Variants in CDKAL1 observed in about 807,000 individuals in gnomAD.
CDKAL1 encodes threonylcarbamoyladenosine tRNA methylthiotransferase.
Under a neutral mutation model 68.2 loss-of-function variants are expected in CDKAL1, and 32 were observed. That is an observed-to-expected ratio of 0.47 (90% CI 0.35 to 0.63). CDKAL1 has a LOEUF of 0.63. CDKAL1 is among the 30% of genes least tolerant of loss of function. The probability of loss-of-function intolerance (pLI) is 0.00; values close to 1 mark genes in which losing one functional copy is unlikely to be tolerated. For missense variants in CDKAL1, 606 were observed against 696.7 expected (o/e 0.87, Z 1.47); for synonymous variants, 234 against 244.3 (o/e 0.96, Z 0.39).
chr6:20,642,013 G>T (rs1231002384), intron 4 of CDKAL1, among the ~76,000 whole-genome samples: 1 of 152,126 alleles, frequency 6.6e-6, no homozygotes, highest in East Asian at 1.9e-4. Flanking sequence ...TCTTTTGCTT[G>T]CACTGGATAG....
At chr6:20,781,784 ACT>A (rs1416541131) in intron 8 of CDKAL1, among the ~76,000 whole-genome samples, 1 of 152,086 alleles carries the variant, frequency 6.6e-6, no homozygotes, top group Non-Finnish European at 1.5e-5. Flanking sequence ...CTTGATTATA[ACT>A]CTTGGTATAC....
chr6:20,812,491 C>G (rs911994827), intron 8 of CDKAL1, among the ~76,000 whole-genome samples: 1 of 152,110 alleles, frequency 6.6e-6, no homozygotes, highest in African/African-American at 2.4e-5. Flanking sequence ...TGATAATGAA[C>G]GTTTTCATCA....
At chr6:20,842,133 T>C (rs1200396296) in intron 8 of CDKAL1, among the ~76,000 whole-genome samples, 2 of 152,200 alleles carry the variant, frequency 1.3e-5, no homozygotes. Context: ...CTTTATTTTA[T>C]AGGAAGCTTC....
In CDKAL1 at chr6:21,013,206, C is replaced by A. The variant is rs886963321; in HGVS notation, c.1055+12834C>A. On this transcript the variant is annotated intron_variant, in intron 11 of 15. Transcript: ENST00000274695. ...GCTATGCTTGGCTTTTTCAGACCTGCAAACATCAAAATCACAGGACCCTCA... is the reference window on the plus strand; with the variant it reads ...GCTATGCTTGGCTTTTTCAGACCTGAAAACATCAAAATCACAGGACCCTCA... Among the ~76,000 whole-genome samples, 3 of 152,180 alleles carry A rather than the reference C, an allele frequency of 2.0e-5. No individual in the cohort carries two copies. In the East Asian group the frequency reaches 5.8e-4, roughly 29 times the overall value.
intron 6 of CDKAL1, among the ~76,000 whole-genome samples, chr6:20,755,211 A>T (rs1774115479): frequency 6.6e-6 from 1 of 152,108 alleles, no homozygotes; most frequent in Non-Finnish European, 1.5e-5. Flanking sequence ...TATCCTATTC[A>T]TGTCTGTATT....
intron 9 of CDKAL1, among the ~76,000 whole-genome samples, chr6:20,901,681 GAAAAAAAA>G (rs77788195): frequency 2.3e-5 from 2 of 86,354 alleles, no homozygotes; most frequent in East Asian, 3.7e-4. Context: ...ACTCCATCTG[GAAAAAAAA>G]AAAAAAAAAA....
intron 10 of CDKAL1, among the ~76,000 whole-genome samples, chr6:20,974,599 G>A (rs914910256): frequency 3.9e-5 from 6 of 151,968 alleles, no homozygotes; most frequent in African/African-American, 1.5e-4. Flanking sequence ...GATATCGTAA[G>A]GTTTCTATTT....
chr6:20,662,666 A>G (rs568144468), intron 5 of CDKAL1, among the ~76,000 whole-genome samples: 1 of 152,272 alleles, frequency 6.6e-6, no homozygotes, highest in Admixed American at 6.5e-5. Context: ...GTATCCCAGC[A>G]TCTTATACAG....
intron 7 of CDKAL1, among the ~76,000 whole-genome samples, chr6:20,771,263 C>T (rs575989767): frequency 1.3e-5 from 2 of 152,232 alleles, no homozygotes; most frequent in East Asian, 1.9e-4. Flanking sequence ...TTCACTCTTG[C>T]CATTTCTATA....
chr6:20,789,780 T>C (rs1775820852), intron 8 of CDKAL1, among the ~76,000 whole-genome samples: 1 of 152,194 alleles, frequency 6.6e-6, no homozygotes, highest in Admixed American at 6.5e-5. Flanking sequence ...TGGTCAACAC[T>C]TTCTTCAGGT....
intron 8 of CDKAL1, among the ~76,000 whole-genome samples, chr6:20,802,095 T>C (rs887087066): frequency 6.6e-6 from 1 of 151,900 alleles, no homozygotes; most frequent in African/African-American, 2.4e-5. Context: ...GTTAAGAGAT[T>C]GAGACCATCC....
At chr6:21,034,715 G>A (rs1052548315) in intron 11 of CDKAL1, among the ~76,000 whole-genome samples, 2 of 152,136 alleles carry the variant, frequency 1.3e-5, no homozygotes. Context: ...TGTGAATATA[G>A]GGTTAGTTTA....
intron 13 of CDKAL1, among the ~76,000 whole-genome samples, chr6:21,113,122 A>G (rs750260271): frequency 1.7e-4 from 26 of 152,180 alleles, no homozygotes; most frequent in Admixed American, 2.6e-4. Flanking sequence ...GCTGCCCAAG[A>G]CCACTTAATT....
At chr6:20,850,351 T>C (rs1758941789) in intron 9 of CDKAL1, among the ~76,000 whole-genome samples, 1 of 152,212 alleles carries the variant, frequency 6.6e-6, no homozygotes, top group Admixed American at 6.5e-5. Flanking sequence ...AAACTCTATA[T>C]CAACTGTGGA....
rs1337740875 is a variant in CDKAL1, at chr6:21,157,163, C to T, written c.1300-40858C>T. Among the ~76,000 whole-genome samples the T allele has an allele frequency of 2.0e-5, 3 of 152,270 alleles. 1 individual carries two copies. The highest frequency in any genetic ancestry group is 7.2e-5 in the African/African-American group (3 of 41,562). On this transcript the variant is annotated intron_variant, in intron 13 of 15. Coordinates refer to ENST00000274695, the MANE Select transcript of CDKAL1 (RefSeq NM_017774.3). ...CTCTATGACCTTGGAAAAATTTGCT[C>T]CAGTGCTCCTAGCCAGCAGTGTTAG...
At chr6:21,001,526 T>C (rs905332627) in intron 11 of CDKAL1, among the ~76,000 whole-genome samples, 1 of 152,104 alleles carries the variant, frequency 6.6e-6, no homozygotes, top group African/African-American at 2.4e-5. Context: ...CAAATACAGC[T>C]AATTGTCCAA....
At chr6:20,736,339 G>A (rs1773192264) in intron 5 of CDKAL1, among the ~76,000 whole-genome samples, 1 of 152,074 alleles carries the variant, frequency 6.6e-6, no homozygotes, top group Non-Finnish European at 1.5e-5. Context: ...TTTGACTTTT[G>A]GTCCCTTTAT....
At chr6:20,595,785 G>T (rs1321460204) in intron 4 of CDKAL1, among the ~76,000 whole-genome samples, 1 of 152,106 alleles carries the variant, frequency 6.6e-6, no homozygotes, top group Non-Finnish European at 1.5e-5. Context: ...TTTTTGCGCT[G>T]GTTTTTCCTC....
At chr6:21,147,693 G>C (rs987604323) in intron 13 of CDKAL1, among the ~76,000 whole-genome samples, 1 of 152,058 alleles carries the variant, frequency 6.6e-6, no homozygotes, top group African/African-American at 2.4e-5. Context: ...CTTCCATTTG[G>C]CAAAATAAAA....
Sources: allele counts gnomAD v4.1 joint callset (sites outside exome capture counted in the v4.1 genomes callset), GRCh38; gene constraint gnomAD v4.1.1; transcripts MANE v1.5; gene names NCBI Gene and HGNC (gene_info 2026-07-23, HGNC 2026-07-21).